ABCC11: variants seen among roughly 807,000 people sequenced by gnomAD.
The protein encoded by ABCC11 is ATP-binding cassette sub-family C member 11.
ABCC11 carries 135 observed loss-of-function variants against 149.3 expected under a neutral mutation model. The ratio of observed to expected loss-of-function variants is 0.90; its 90% CI spans 0.79 to 1.04. The LOEUF is 1.04. ABCC11 is among the 50% of genes least tolerant of loss of function. ABCC11 has a pLI of 0.00. For missense variants in ABCC11, 1,680 were observed against 1,722.1 expected, an observed-to-expected ratio of 0.98 and a Z score of 0.43; for synonymous variants, 665 against 671.4, an observed-to-expected ratio of 0.99 and a Z score of 0.15.
intron 23 of ABCC11, among the ~76,000 whole-genome samples, chr16:48,179,040 T>C (rs1966267478): frequency 6.6e-6 from 1 of 152,202 alleles, no homozygotes; most frequent in South Asian, 2.1e-4. Flanking sequence ...GAATGAACTT[T>C]GACTGATGGG....
chr16:48,185,603 C>A lies in ABCC11; in HGVS notation c.3072-977G>T, dbSNP rs1208901886. On this transcript the variant is annotated intron_variant, in intron 22 of 29. Coordinates refer to ENST00000356608, the MANE Select transcript of ABCC11 (RefSeq NM_001370497.1). ...TTTTTCTAAAGTACATTCAAATAAA[C>A]CTTTGATTATTGAAATTAAATATTC... Among the ~76,000 whole-genome samples, 3 of 152,076 alleles carry A rather than the reference C, an allele frequency of 2.0e-5. No homozygotes were observed. In the East Asian group the frequency reaches 5.8e-4, roughly 29 times the overall value.
At chr16:48,230,300 T>C in intron 3 of ABCC11, 137 bp downstream of exon 3, 1 of 1,016,382 alleles carries the variant, frequency 9.8e-7, no homozygotes, top group East Asian at 2.8e-5. Flanking sequence ...CTCCCTGGTG[T>C]GCCTCAGGCT....
intron 20 of ABCC11, 123 bp downstream of exon 20, chr16:48,192,397 T>C (rs1967001213): frequency 9.3e-7 from 1 of 1,079,298 alleles, no homozygotes; most frequent in Non-Finnish European, 1.3e-6. Context: ...TGAGTGGAGA[T>C]TGTGCCACTG....
chr16:48,172,677 G>C (rs1338148386), intron 26 of ABCC11, among the ~76,000 whole-genome samples: 1 of 152,130 alleles, frequency 6.6e-6, no homozygotes, highest in African/African-American at 2.4e-5. Flanking sequence ...CAATGCATGA[G>C]AGTTTCAATT....
intron 12 of ABCC11, 79 bp from the exon 13 acceptor site, chr16:48,205,616 A>G (rs1180632946): frequency 1.3e-6 from 2 of 1,553,820 alleles, no homozygotes; most frequent in Non-Finnish European, 1.7e-6. Context: ...CACAGTGCCC[A>G]GGGCCCCACT....
downstream of ABCC11, chr16:48,165,107 G>GT (rs975749350): frequency 2.0e-5 from 3 of 152,102 alleles, no homozygotes; most frequent in Non-Finnish European, 2.9e-5. Context: ...GGGAGGGCCA[G>GT]TGTGTAGAGA....
rs538768255 is a variant in ABCC11, at chr16:48,167,479, A to G, written c.4056+17T>C. Reference sequence around the variant, plus strand: ...TGAGCCCTCATCCTCCCACCAGCCCAAGGACGCAGCCTTCACCTTCCCATT... The same window carrying G: ...TGAGCCCTCATCCTCCCACCAGCCCGAGGACGCAGCCTTCACCTTCCCATT... On this transcript the variant is annotated intron_variant, in intron 29 of 29. Coordinates refer to ENST00000356608, the MANE Select transcript of ABCC11 (RefSeq NM_001370497.1). 6.2e-7 allele frequency: 1 copy of G among 1,613,756 alleles called. No individual in the cohort carries two copies. Among genetic ancestry groups the G allele is most frequent in the East Asian group, 2.2e-5 (1 of 44,870 alleles).
intron 22 of ABCC11, among the ~76,000 whole-genome samples, chr16:48,185,673 C>T (rs1002301346): frequency 6.6e-5 from 10 of 152,276 alleles, no homozygotes; most frequent in African/African-American, 2.4e-4. Flanking sequence ...AGTGGGCTAT[C>T]ACCCCAGCAG....
At position 48,167,495 on chromosome 16, in the gene ABCC11, C is replaced by A; in HGVS notation, c.4056+1G>T. ...CACCAGCCCAAGGACGCAGCCTTCACCTTCCCATTGCCCATAACCAGGATG... is the reference window on the plus strand; with the variant it reads ...CACCAGCCCAAGGACGCAGCCTTCAACTTCCCATTGCCCATAACCAGGATG... On this transcript the variant is annotated splice_donor_variant, in intron 29 of 29. Transcript: ENST00000356608. LOFTEE classifies it high-confidence loss of function. The A allele has an allele frequency of 6.2e-7, 1 of 1,614,086 alleles. No homozygotes were observed. Among genetic ancestry groups the A allele is most frequent in the Non-Finnish European group, 8.5e-7 (1 of 1,179,954 alleles).
chr16:48,225,229 A>C (rs537184839), intron 4 of ABCC11, among the ~76,000 whole-genome samples: 1 of 152,138 alleles, frequency 6.6e-6, no homozygotes, highest in Admixed American at 6.5e-5. Context: ...AAAATAAAAT[A>C]AAATAACACC....
rs1170605459 is a variant in ABCC11, at chr16:48,167,613, G to A, written c.3939C>T (p.Asp1313=). ...CACGGATTGTGCGCTGGATCAGGGTGTCTGTCTCCATGTCAATGGAGGCTG... is the reference window on the plus strand; with the variant it reads ...CACGGATTGTGCGCTGGATCAGGGTATCTGTCTCCATGTCAATGGAGGCTG... ...EATASIDMET[D]TLIQRTIREA... Residue 1313 remains aspartate (D), a synonymous_variant, in exon 29 of 30, where the codon GAC becomes GAT. Transcript: ENST00000356608. 6.2e-7 allele frequency: 1 copy of A among 1,612,306 alleles called. No individual in the cohort carries two copies. The highest frequency in any genetic ancestry group is 8.5e-7 in the Non-Finnish European group (1 of 1,180,014).
intron 6 of ABCC11, among the ~76,000 whole-genome samples, chr16:48,217,693 T>A (rs1024513339): frequency 6.6e-6 from 1 of 152,228 alleles, no homozygotes; most frequent in Admixed American, 6.5e-5. Context: ...CTGAATCCCT[T>A]ACAAAGTGAT....
chr16:48,212,040 G>C (rs1468933805), intron 10 of ABCC11, among the ~76,000 whole-genome samples: 1 of 152,166 alleles, frequency 6.6e-6, no homozygotes, highest in East Asian at 1.9e-4. Flanking sequence ...GGTGAAAACA[G>C]GCACAGAAGG....
intron 1 of ABCC11, among the ~76,000 whole-genome samples, chr16:48,245,931 G>T (rs1971356314): frequency 6.6e-6 from 1 of 152,092 alleles, no homozygotes; most frequent in African/African-American, 2.4e-5. Flanking sequence ...TGTGTTTTCA[G>T]TTTAGAGCTT....
intron 4 of ABCC11, 87 bp downstream of exon 4, chr16:48,227,719 C>T: frequency 6.3e-7 from 1 of 1,579,974 alleles, no homozygotes; most frequent in Admixed American, 1.7e-5. Flanking sequence ...CATGGCCCCT[C>T]CCTACCACCC....
At chr16:48,228,009 T>G (rs1436469193) in intron 3 of ABCC11, 45 bp from the exon 4 acceptor site, 2 of 1,529,234 alleles carry the variant, frequency 1.3e-6, no homozygotes, top group Non-Finnish European at 1.8e-6. Flanking sequence ...AGGATCAAGA[T>G]TTTGCAAGGA....
chr16:48,178,620 C>T lies in ABCC11; in HGVS notation c.3325G>A (p.Glu1109Lys), dbSNP rs181009434. 363 of 1,614,166 alleles carry T rather than the reference C, an allele frequency of 2.2e-4. 1 individual carries two copies. The East Asian group carries it at 6.8e-3, about 30-fold the overall frequency. ...LETEAQFTAV[E>K]RILQYMKMCV... ...ACCTTCATGTACTGCAGTATCCTCT[C>T]TACAGCCGTGAACTGTGCCTCTGTC... The change falls in exon 24 of 30, where the codon GAG becomes AAG. Residue 1109 changes from glutamate (E) to lysine (K), a missense_variant. Glu to Lys is a moderately conservative substitution (Grantham distance 56). Coordinates refer to ENST00000356608, the MANE Select transcript of ABCC11 (RefSeq NM_001370497.1).
At chr16:48,205,707 G>A (rs369038765) in intron 12 of ABCC11, among the ~76,000 whole-genome samples, 170 bp from the exon 13 acceptor site, 1 of 152,172 alleles carries the variant, frequency 6.6e-6, no homozygotes, top group South Asian at 2.1e-4. Context: ...GAGTTCCAGG[G>A]ACCGGCCATG....
chr16:48,224,242 A>G, intron 5 of ABCC11, 40 bp downstream of exon 5: 1 of 1,600,454 alleles, frequency 6.2e-7, no homozygotes, highest in Non-Finnish European at 8.5e-7. Context: ...AAACCTCTGA[A>G]GCCTAGAGTC....
Sources: allele counts gnomAD v4.1 joint callset (sites outside exome capture counted in the v4.1 genomes callset), GRCh38; gene constraint gnomAD v4.1.1; transcripts MANE v1.5; gene names NCBI Gene and HGNC (gene_info 2026-07-23, HGNC 2026-07-21).